SLC12A6: variants seen among roughly 807,000 people sequenced by gnomAD.
SLC12A6 encodes the protein K-Cl cotransporter 3.
In SLC12A6, 66 loss-of-function variants were observed where a neutral mutation model predicts 135.3. That is an observed-to-expected ratio of 0.49 (90% CI 0.40 to 0.60). The LOEUF is 0.60. Ranked by LOEUF, SLC12A6 falls within the 20% of genes least tolerant of loss-of-function variation. The pLI, the probability that SLC12A6 is intolerant of heterozygous loss-of-function variation, is 0.00. For missense variants in SLC12A6, 1,058 were observed against 1,452.3 expected, an observed-to-expected ratio of 0.73 and a Z score of 4.41; for synonymous variants, 513 against 508.8, an observed-to-expected ratio of 1.01 and a Z score of -0.11.
chr15:34,285,301 G>A (rs1894971627), intron 2 of SLC12A6, among the ~76,000 whole-genome samples: 1 of 152,210 alleles, frequency 6.6e-6, no homozygotes, highest in Non-Finnish European at 1.5e-5. Flanking sequence ...GTGGTCAGAT[G>A]CTGGATATGT....
At chr15:34,270,839 A>G in intron 3 of SLC12A6, among the ~76,000 whole-genome samples, 1 of 151,252 alleles carries the variant, frequency 6.6e-6, no homozygotes, top group East Asian at 1.9e-4. Context: ...AACAAAAAAA[A>G]AAAAAAGAGA....
At chr15:34,288,345 T>A (rs1184680776) in intron 2 of SLC12A6, among the ~76,000 whole-genome samples, 2 of 152,200 alleles carry the variant, frequency 1.3e-5, no homozygotes, top group African/African-American at 4.8e-5. Flanking sequence ...GGTCTATATA[T>A]CTGTTTTGGT....
At position 34,255,330 on chromosome 15, in the gene SLC12A6, G is replaced by A. The variant is rs1195273961; in HGVS notation, c.808C>T (p.Leu270Phe). Residue 270 changes from leucine (L) to phenylalanine (F), a missense_variant, in exon 8 of 26, where the codon CTC (leucine) becomes TTC (phenylalanine). Physicochemically the swap from Leu to Phe is conservative, Grantham distance 22 (BLOSUM62 0). Transcript: ENST00000354181. ...AATGTGGTACCAAGATAAAAGCAGA[G>A]GCCAACAGCCCCACCAAACTCTGGG... ...LGPEFGGAVG[L>F]CFYLGTTFAA... 1.2e-6 allele frequency: 2 copies of A among 1,609,164 alleles called. No homozygotes were observed. The highest frequency in any genetic ancestry group is 1.3e-5 in the African/African-American group (1 of 74,946).
At chr15:34,240,953 G>C in intron 18 of SLC12A6, 124 bp from the exon 19 acceptor site, 1 of 769,860 alleles carries the variant, frequency 1.3e-6, no homozygotes, top group Non-Finnish European at 2.2e-6. Context: ...ACAGAAGGAA[G>C]AGATCACAGG....
intron 16 of SLC12A6, among the ~76,000 whole-genome samples, chr15:34,243,387 C>T (rs1022554959): frequency 1.1e-4 from 17 of 152,078 alleles, no homozygotes; most frequent in African/African-American, 3.9e-4. Flanking sequence ...AATTAATGAG[C>T]TCTGAGCTAT....
intron 15 of SLC12A6, among the ~76,000 whole-genome samples, chr15:34,244,595 C>A (rs1160647262): frequency 6.6e-6 from 1 of 152,164 alleles, no homozygotes; most frequent in African/African-American, 2.4e-5. Flanking sequence ...CTTCTCTATT[C>A]TGTTATTCCC....
chr15:34,239,589 T>G (rs1007861072), intron 19 of SLC12A6, among the ~76,000 whole-genome samples: 1 of 152,226 alleles, frequency 6.6e-6, no homozygotes, highest in Non-Finnish European at 1.5e-5. Flanking sequence ...ATGATTCAGT[T>G]TCACTTTAGA....
intron 2 of SLC12A6, among the ~76,000 whole-genome samples, chr15:34,326,320 A>C (rs1226852447): frequency 6.6e-6 from 1 of 152,232 alleles, no homozygotes; most frequent in Non-Finnish European, 1.5e-5. Flanking sequence ...TCATTCATCC[A>C]TTATGAAATG....
At chr15:34,297,200 G>C (rs938667301) in intron 2 of SLC12A6, among the ~76,000 whole-genome samples, 1 of 152,114 alleles carries the variant, frequency 6.6e-6, no homozygotes, top group Non-Finnish European at 1.5e-5. Flanking sequence ...CTTGGCAACA[G>C]TATCTAACAA....
chr15:34,235,044 T>G, intron 25 of SLC12A6, 137 bp downstream of exon 25: 1 of 828,918 alleles, frequency 1.2e-6, no homozygotes. Context: ...TAAAAATCCT[T>G]GCCTAGGACT....
At chr15:34,293,371 C>T (rs1164959972) in intron 2 of SLC12A6, among the ~76,000 whole-genome samples, 3 of 151,812 alleles carry the variant, frequency 2.0e-5, no homozygotes, top group African/African-American at 7.3e-5. Flanking sequence ...GTGGTGCAAA[C>T]TCAGATCTCT....
intron 2 of SLC12A6, among the ~76,000 whole-genome samples, chr15:34,326,855 CTGCT>C (rs1889497127): frequency 8.5e-6 from 1 of 118,192 alleles, no homozygotes; most frequent in African/African-American, 3.8e-5. Flanking sequence ...CCACAACTGG[CTGCT>C]TTTTTTTTTT....
chr15:34,233,971 G>A lies in SLC12A6; in HGVS notation c.3363C>T (p.Tyr1121=), dbSNP rs1477586472. The change falls in exon 26 of 26, where the codon TAC becomes TAT. Residue 1121 remains tyrosine, a splice_region_variant and synonymous_variant. Transcript: ENST00000354181. The part of the protein sequence containing the change: ...PPRNPEGDEN[Y]MEFLEVLTEG... ...CGGTAAGCACCTCTAGGAACTCCAT[G>A]TCTTCAAAACTTGTCAAGGAGACAG... 1.9e-6 allele frequency: 3 copies of A among 1,563,390 alleles called. No homozygotes were observed. Among genetic ancestry groups the A allele is most frequent in the South Asian group, 2.2e-5 (2 of 90,008 alleles).
Position 34,298,158 on chromosome 15 carries a change from G to C in SLC12A6, c.272-22769C>G, listed in dbSNP as rs562255735. ...ATTATGAAACAATAAAATTATTACAGTTTAAGTACAAATACTGTGGGACTC... is the reference window on the plus strand; with the variant it reads ...ATTATGAAACAATAAAATTATTACACTTTAAGTACAAATACTGTGGGACTC... On this transcript the variant is annotated intron_variant, in intron 2 of 25. Transcript: ENST00000354181. 5.3e-5 allele frequency among the ~76,000 whole-genome samples: 8 copies of C among 151,566 alleles called. No individual in the cohort carries two copies. In the South Asian group the frequency reaches 1.7e-3, roughly 32 times the overall value.
At chr15:34,298,092 G>T (rs923061881) in intron 2 of SLC12A6, among the ~76,000 whole-genome samples, 2 of 152,044 alleles carry the variant, frequency 1.3e-5, no homozygotes, top group African/African-American at 4.8e-5. Context: ...CAAAAACAGT[G>T]ACCATTTGCT....
At chr15:34,255,480 A>G in intron 7 of SLC12A6, 88 bp from the exon 8 acceptor site, 1 of 943,494 alleles carries the variant, frequency 1.1e-6, no homozygotes, top group African/African-American at 1.6e-5. Context: ...AAAAATATAT[A>G]CATAAAGGTT....
At chr15:34,330,991 G>C (rs1380067542) in intron 2 of SLC12A6, among the ~76,000 whole-genome samples, 1 of 151,934 alleles carries the variant, frequency 6.6e-6, no homozygotes, top group Non-Finnish European at 1.5e-5. Context: ...GCAATGAGTG[G>C]AGACCGCACC....
At chr15:34,325,790 G>C (rs1437459877) in intron 2 of SLC12A6, among the ~76,000 whole-genome samples, 1 of 152,114 alleles carries the variant, frequency 6.6e-6, no homozygotes, top group East Asian at 1.9e-4. Flanking sequence ...TGCCCACTAA[G>C]TGCCAAGAAA....
At chr15:34,281,945 TAATAAA>T (rs1894711716) in intron 2 of SLC12A6, among the ~76,000 whole-genome samples, 1 of 152,066 alleles carries the variant, frequency 6.6e-6, no homozygotes, top group African/African-American at 2.4e-5. Flanking sequence ...ATTTTTAATG[TAATAAA>T]AATATAGTTT....
Sources: gnomAD v4.1 joint callset for allele counts (sites outside exome capture counted in the v4.1 genomes callset) on GRCh38, gnomAD v4.1.1 for gene constraint, MANE v1.5 for transcripts, NCBI Gene and HGNC (gene_info 2026-07-23, HGNC 2026-07-21) for gene names.